Variants in TMPRSS12 observed in about 807,000 individuals in gnomAD.
The protein encoded by TMPRSS12 is transmembrane serine protease 12.
TMPRSS12 carries 25 observed loss-of-function variants against 26.0 expected under a neutral mutation model. That is an observed-to-expected ratio of 0.96 (90% CI 0.70 to 1.34). The LOEUF is 1.34. Among genes scored for constraint, TMPRSS12 ranks in the 40% most tolerant of loss-of-function variants. The pLI is 0.00. For missense variants in TMPRSS12, 441 were observed against 440.1 expected, an observed-to-expected ratio of 1.00 and a Z score of -0.02; for synonymous variants, 150 against 161.7, an observed-to-expected ratio of 0.93 and a Z score of 0.55.
chr12:50,883,320 A>G (rs1310161932), intron 3 of TMPRSS12, among the ~76,000 whole-genome samples: 1 of 152,170 alleles, frequency 6.6e-6, no homozygotes, highest in Non-Finnish European at 1.5e-5. Flanking sequence ...TAGGCAACAG[A>G]GCAGGACGCT....
chr12:50,874,317 C>T (rs1185366617), intron 3 of TMPRSS12, among the ~76,000 whole-genome samples: 1 of 151,904 alleles, frequency 6.6e-6, no homozygotes, highest in Non-Finnish European at 1.5e-5. Flanking sequence ...AAATCATCAA[C>T]AAAATGTTAG....
chr12:50,860,243 C>G (rs986977898), intron 3 of TMPRSS12, among the ~76,000 whole-genome samples: 3 of 152,088 alleles, frequency 2.0e-5, no homozygotes, highest in African/African-American at 7.2e-5. Flanking sequence ...TAGTATCAGG[C>G]AAGATGATTG....
At position 50,859,012 on chromosome 12, in the gene TMPRSS12, C is replaced by T; in HGVS notation, c.611C>T (p.Thr204Ile). The change falls in exon 3 of 5, where the codon ACA becomes ATA. Residue 204 changes from threonine to isoleucine, a missense_variant. Transcript: ENST00000398458. ...GTTTTCCAAATCCTGGACGGAAACA[C>T]AAAGTGTTTTATAAGTGGCTGGGGA... is the stretch of plus-strand genomic sequence containing the variant. ...FDVFQILDGNTKCFISGWGRT... is the reference protein window; with the variant it reads ...FDVFQILDGNIKCFISGWGRT... 1 of 1,602,832 alleles carries T rather than the reference C, an allele frequency of 6.2e-7. No homozygotes were observed. Among genetic ancestry groups the T allele is most frequent in the Non-Finnish European group, 8.5e-7 (1 of 1,175,494 alleles).
chr12:50,847,416 C>T (rs1221159901), intron 2 of TMPRSS12, among the ~76,000 whole-genome samples: 2 of 152,046 alleles, frequency 1.3e-5, no homozygotes, highest in Non-Finnish European at 2.9e-5. Context: ...TCCACTTTTT[C>T]CCATATTGGG....
intron 2 of TMPRSS12, among the ~76,000 whole-genome samples, chr12:50,846,440 A>G (rs996592598): frequency 6.6e-6 from 1 of 152,192 alleles, no homozygotes; most frequent in Admixed American, 6.5e-5. Flanking sequence ...ATTGAAAATC[A>G]ATTGATCATA....
intron 3 of TMPRSS12, among the ~76,000 whole-genome samples, chr12:50,872,044 A>G (rs1039719459): frequency 6.6e-6 from 1 of 152,214 alleles, no homozygotes; most frequent in Non-Finnish European, 1.5e-5. Flanking sequence ...GATTCCTTAA[A>G]GAACTGAAAG....
At chr12:50,861,048 C>A (rs1216087620) in intron 3 of TMPRSS12, among the ~76,000 whole-genome samples, 1 of 152,092 alleles carries the variant, frequency 6.6e-6, no homozygotes, top group Non-Finnish European at 1.5e-5. Flanking sequence ...TGTCCTGGGT[C>A]CTGTTTTAAA....
chr12:50,844,831 A>T (rs1937752766), intron 2 of TMPRSS12, among the ~76,000 whole-genome samples: 1 of 152,204 alleles, frequency 6.6e-6, no homozygotes, highest in Non-Finnish European at 1.5e-5. Context: ...AACTTTATGA[A>T]CACTGAAATC....
Position 50,885,322 on chromosome 12 carries a change from T to C in TMPRSS12, c.729T>C (p.Tyr243=), listed in dbSNP as rs767827960. 6 of 1,613,658 alleles carry C rather than the reference T, an allele frequency of 3.7e-6. No homozygotes were observed. The African/African-American group carries it at 4.0e-5, about 11-fold the overall frequency. Residue 243 remains tyrosine (Y), a synonymous_variant, in exon 4 of 5, where the codon TAT becomes TAC. Coordinates refer to ENST00000398458, the MANE Select transcript of TMPRSS12 (RefSeq NM_182559.3). ...AGATGTGTAATTCTGAGAGGAGTTA[T>C]GGGGGAATAATTCCTAACACTTCAT... is the stretch of plus-strand genomic sequence containing the variant. ...SREMCNSERS[Y]GGIIPNTSFC...
chr12:50,873,678 G>A (rs1938087709), intron 3 of TMPRSS12, among the ~76,000 whole-genome samples: 1 of 152,166 alleles, frequency 6.6e-6, no homozygotes, highest in Non-Finnish European at 1.5e-5. Context: ...AACATATCTG[G>A]AGAAAATTTT....
rs1478476305 is a variant in TMPRSS12 at position 50,858,996 on chromosome 12, A to G, written c.595A>G (p.Ile199Val). ...PICLPFDVFQ[I>V]LDGNTKCFIS... ...TTGCCTACCTTTTGATGTTTTCCAA[A>G]TCCTGGACGGAAACACAAAGTGTTT... The change falls in exon 3 of 5, where the codon ATC becomes GTC. Residue 199 changes from isoleucine to valine, a missense_variant. By Grantham distance (29) the Ile-to-Val change is conservative (BLOSUM62 3). Transcript: ENST00000398458. 1 of 1,603,296 alleles carries G rather than the reference A, an allele frequency of 6.2e-7. No homozygotes were observed.
chr12:50,879,724 T>C (rs1938146791), intron 3 of TMPRSS12, among the ~76,000 whole-genome samples: 1 of 152,176 alleles, frequency 6.6e-6, no homozygotes, highest in South Asian at 2.1e-4. Context: ...TCCCTAAACT[T>C]TGGGAGTCTG....
At chr12:50,869,358 G>A (rs1938021166) in intron 3 of TMPRSS12, among the ~76,000 whole-genome samples, 2 of 152,100 alleles carry the variant, frequency 1.3e-5, no homozygotes, top group Admixed American at 1.3e-4. Context: ...ATCATTCAGT[G>A]CTACTATGAA....
chr12:50,848,537 C>T (rs942771598), intron 2 of TMPRSS12, among the ~76,000 whole-genome samples: 2 of 152,230 alleles, frequency 1.3e-5, no homozygotes, highest in African/African-American at 4.8e-5. Context: ...CTCCCTTTCA[C>T]TGAATGGCTT....
At chr12:50,861,718 C>T (rs1192983401) in intron 3 of TMPRSS12, among the ~76,000 whole-genome samples, 1 of 151,966 alleles carries the variant, frequency 6.6e-6, no homozygotes, top group Non-Finnish European at 1.5e-5. Flanking sequence ...AAATAAGTTG[C>T]TTAAACTAAT....
intron 3 of TMPRSS12, among the ~76,000 whole-genome samples, chr12:50,861,814 CTT>C (rs59550869): frequency 6.9e-5 from 10 of 144,964 alleles, no homozygotes; most frequent in Non-Finnish European, 7.6e-5. Context: ...ATTAATATAT[CTT>C]TTTTTTTTTT....
chr12:50,875,118 C>T (rs1938100683), intron 3 of TMPRSS12, among the ~76,000 whole-genome samples: 1 of 152,036 alleles, frequency 6.6e-6, no homozygotes, highest in Non-Finnish European at 1.5e-5. Context: ...CCAAAAAGAG[C>T]CCAAGTAGCC....
intron 3 of TMPRSS12, 109 bp downstream of exon 3, chr12:50,859,162 A>ACCTGT: frequency 1.0e-6 from 1 of 994,182 alleles, no homozygotes; most frequent in East Asian, 2.7e-5. Flanking sequence ...TAAGTTAATG[A>ACCTGT]CAGACCACAC....
intron 1 of TMPRSS12, 128 bp from the exon 2 acceptor site, chr12:50,843,714 C>A: frequency 1.1e-6 from 1 of 926,280 alleles, no homozygotes; most frequent in Non-Finnish European, 1.5e-6. Flanking sequence ...ATGGGCGTGT[C>A]TCCGGTATGT....
Sources: gnomAD v4.1 joint callset for allele counts (sites outside exome capture counted in the v4.1 genomes callset) on GRCh38, gnomAD v4.1.1 for gene constraint, MANE v1.5 for transcripts, NCBI Gene and HGNC (gene_info 2026-07-23, HGNC 2026-07-21) for gene names.